SMG7: variants seen among roughly 807,000 people sequenced by gnomAD.
The protein encoded by SMG7 is nonsense-mediated mRNA decay factor SMG7.
Under a neutral mutation model 148.2 loss-of-function variants are expected in SMG7, and 34 were observed. The observed-to-expected ratio is 0.23, with a 90% CI of 0.17 to 0.31. The LOEUF is 0.31. Among genes scored for constraint, SMG7 ranks in the 10% least tolerant of loss-of-function variants. The pLI, the probability that SMG7 is intolerant of heterozygous loss-of-function variation, is 1.00. For missense variants in SMG7, 1,114 were observed against 1,408.4 expected, an observed-to-expected ratio of 0.79 and a Z score of 3.35; for synonymous variants, 492 against 515.1, an observed-to-expected ratio of 0.96 and a Z score of 0.61.
At position 183,545,977 on chromosome 1, in the gene SMG7, A is replaced by C; in HGVS notation, c.2382A>C (p.Ala794=). 6.3e-7 allele frequency: 1 copy of C among 1,594,178 alleles called. No homozygotes were observed. The stretch of plus-strand genomic sequence containing the variant: ...CGTCTCTTTTTTAGTATCAACAGGC[A>C]GATGCCTCCAAACAGCTGTGGAATC... The part of the protein sequence containing the change: ...HHSGFQQYQQ[A]DASKQLWNPP... The change falls in exon 17 of 23, where the codon GCA becomes GCC. Residue 794 remains alanine, a synonymous_variant. Transcript: ENST00000688051.
Position 183,551,201 on chromosome 1 carries a change from T to A in SMG7, c.3450+11T>A. The A allele has an allele frequency of 6.4e-7, 1 of 1,554,588 alleles. No homozygotes were observed. The highest frequency in any genetic ancestry group is 8.6e-7 in the Non-Finnish European group (1 of 1,157,014). ...ATGGAAAGCCTAAAGGTGAGTAGAT[T>A]TCAGGAACAAGAACCACAAGATTAT... is the stretch of plus-strand genomic sequence containing the variant. On this transcript the variant is annotated intron_variant, in intron 22 of 22. Coordinates refer to ENST00000688051, the MANE Select transcript of SMG7 (RefSeq NM_001375584.1).
At chr1:183,511,837 A>G (rs1662225379) in intron 1 of SMG7, among the ~76,000 whole-genome samples, 1 of 152,238 alleles carries the variant, frequency 6.6e-6, no homozygotes, top group Non-Finnish European at 1.5e-5. Context: ...GATTCAAGAT[A>G]TAGTTAGTAG....
At chr1:183,524,886 T>G (rs1193017342) in intron 4 of SMG7, among the ~76,000 whole-genome samples, 2 of 150,886 alleles carry the variant, frequency 1.3e-5, no homozygotes, top group Non-Finnish European at 3.0e-5. Context: ...TGTCCTTCTC[T>G]CCTTTCCCTT....
chr1:183,516,139 C>A, intron 3 of SMG7, 148 bp downstream of exon 3: 1 of 611,248 alleles, frequency 1.6e-6, no homozygotes. Context: ...TGATATTTGG[C>A]CATTGGTATT....
intron 9 of SMG7, 48 bp from the exon 10 acceptor site, chr1:183,533,628 G>T: frequency 1.3e-6 from 2 of 1,511,050 alleles, no homozygotes; most frequent in Non-Finnish European, 1.8e-6. Context: ...ATTTGAACTG[G>T]CACAGTTTCA....
chr1:183,524,926 T>C (rs977927259), intron 4 of SMG7, among the ~76,000 whole-genome samples: 4 of 152,166 alleles, frequency 2.6e-5, no homozygotes, highest in African/African-American at 9.7e-5. Context: ...TCCCCTCTAC[T>C]TCTCTTTTTG....
chr1:183,536,535 CA>C lies in SMG7; in HGVS notation c.1164-607del, dbSNP rs1301183366. On this transcript the variant is annotated intron_variant, in intron 10 of 22. Transcript: ENST00000688051. ...ACTCAGGAACCAAGGACACAGTTAA[CA>C]AATACATATATAGTACGTACTTCTG... Among the ~76,000 whole-genome samples the C allele has an allele frequency of 2.0e-5, 3 of 152,048 alleles. No homozygotes were observed. The East Asian group carries it at 5.8e-4, about 29-fold the overall frequency.
intron 6 of SMG7, 74 bp downstream of exon 6, chr1:183,528,101 C>T (rs1053009969): frequency 2.7e-6 from 3 of 1,123,390 alleles, no homozygotes; most frequent in African/African-American, 3.1e-5. Flanking sequence ...TAACTCAGGG[C>T]TCACCTTTGA....
At chr1:183,478,658 G>A (rs992816546) in intron 1 of SMG7, among the ~76,000 whole-genome samples, 5 of 152,146 alleles carry the variant, frequency 3.3e-5, no homozygotes, top group Admixed American at 2.6e-4. Context: ...GTTTCATGAG[G>A]CAGTTTTGAG....
intron 1 of SMG7, among the ~76,000 whole-genome samples, chr1:183,500,802 A>G (rs935712735): frequency 1.1e-4 from 17 of 152,224 alleles, no homozygotes; most frequent in Non-Finnish European, 1.9e-4. Flanking sequence ...CAAAACAACA[A>G]GAAATTAAAA....
At chr1:183,549,358 T>A (rs760379209) in intron 19 of SMG7, 70 bp downstream of exon 19, 1 of 1,077,492 alleles carries the variant, frequency 9.3e-7, no homozygotes, top group Non-Finnish European at 1.4e-6. Flanking sequence ...CTCATACTGT[T>A]TCAGTATGTC....
chr1:183,522,163 C>G (rs1394339298), intron 4 of SMG7, among the ~76,000 whole-genome samples: 1 of 152,002 alleles, frequency 6.6e-6, no homozygotes, highest in Non-Finnish European at 1.5e-5. Flanking sequence ...TAGCTTTTTC[C>G]CTATTAAAGT....
intron 1 of SMG7, among the ~76,000 whole-genome samples, chr1:183,483,334 C>T (rs764504476): frequency 4.6e-5 from 7 of 152,002 alleles, no homozygotes; most frequent in Non-Finnish European, 8.8e-5. Context: ...AGAAAGGTTA[C>T]GAATTATTTA....
At chr1:183,528,836 A>G (rs1572010183) in intron 6 of SMG7, 56 bp from the exon 7 acceptor site, 7 of 1,434,278 alleles carry the variant, frequency 4.9e-6, no homozygotes, top group East Asian at 2.3e-5. Context: ...TTGTATTCTT[A>G]TAGCAAGACT....
At chr1:183,487,397 A>G (rs1466010299) in intron 1 of SMG7, among the ~76,000 whole-genome samples, 1 of 152,152 alleles carries the variant, frequency 6.6e-6, no homozygotes, top group African/African-American at 2.4e-5. Flanking sequence ...CACCCAGATA[A>G]TTCAATACAC....
chr1:183,496,811 T>C (rs1658591021), intron 1 of SMG7, among the ~76,000 whole-genome samples: 1 of 152,196 alleles, frequency 6.6e-6, no homozygotes, highest in Non-Finnish European at 1.5e-5. Flanking sequence ...CTAACACTAA[T>C]GATAGCTGAT....
rs772896681 is a variant in SMG7 at position 183,533,255 on chromosome 1, G to A, written c.935G>A (p.Ser312Asn). ...CAACTTCATCACCTTCGTGACTTTA[G>A]CAATGAAACCGAGCAGCACACTTAT... is the stretch of plus-strand genomic sequence containing the variant. Reference protein sequence around the residue: ...LFQLHHLRDFSNETEQHTYSQ... With the variant: ...LFQLHHLRDFNNETEQHTYSQ... The change falls in exon 9 of 23, where the codon AGC (serine) becomes AAC (asparagine). Residue 312 changes from serine to asparagine, a missense_variant. Physicochemically the swap from Ser to Asn is conservative, Grantham distance 46 (BLOSUM62 1). Coordinates refer to ENST00000688051, the MANE Select transcript of SMG7 (RefSeq NM_001375584.1). 3 of 1,613,982 alleles carry A rather than the reference G, an allele frequency of 1.9e-6. No individual in the cohort carries two copies. The highest frequency in any genetic ancestry group is 2.5e-6 in the Non-Finnish European group (3 of 1,179,876).
chr1:183,511,650 A>G (rs1181409941), intron 1 of SMG7, among the ~76,000 whole-genome samples: 1 of 152,212 alleles, frequency 6.6e-6, no homozygotes, highest in Non-Finnish European at 1.5e-5. Context: ...AGTAGTGGGA[A>G]GTCATTAAAG....
chr1:183,548,018 AT>A (rs1391845721), intron 18 of SMG7, among the ~76,000 whole-genome samples: 3 of 152,238 alleles, frequency 2.0e-5, no homozygotes, highest in Non-Finnish European at 4.4e-5. Context: ...TTAATAAAAC[AT>A]AAAAAGATAG....
Sources: gnomAD v4.1 joint callset for allele counts (sites outside exome capture counted in the v4.1 genomes callset) on GRCh38, gnomAD v4.1.1 for gene constraint, MANE v1.5 for transcripts, NCBI Gene and HGNC (gene_info 2026-07-23, HGNC 2026-07-21) for gene names.